The following SLC1A3 variants were observed in gnomAD, a reference collection of about 807,000 sequenced individuals.
The protein encoded by SLC1A3 is excitatory amino acid transporter 1.
In SLC1A3, 21 loss-of-function variants were observed where a neutral mutation model predicts 48.1. The ratio of observed to expected loss-of-function variants is 0.44; its 90% CI spans 0.31 to 0.63. The LOEUF (loss-of-function observed/expected upper bound fraction) is 0.63. Among genes scored for constraint, SLC1A3 ranks in the 20% least tolerant of loss-of-function variants. The pLI is 0.08. For synonymous variants in SLC1A3, 239 were observed against 251.4 expected, an observed-to-expected ratio of 0.95 and a Z score of 0.47; for missense variants, 546 against 689.0, an observed-to-expected ratio of 0.79 and a Z score of 2.32.
intron 3 of SLC1A3, among the ~76,000 whole-genome samples, chr5:36,650,829 T>C (rs1188924548): frequency 2.0e-5 from 3 of 152,242 alleles, no homozygotes; most frequent in Non-Finnish European, 2.9e-5. Flanking sequence ...ATGCAATTGC[T>C]GCTTCCTCAG....
chr5:36,640,411 T>C (rs1252668659), intron 3 of SLC1A3, among the ~76,000 whole-genome samples: 1 of 152,250 alleles, frequency 6.6e-6, no homozygotes, highest in African/African-American at 2.4e-5. Context: ...TCAACTTCTA[T>C]ACTACCAGTG....
chr5:36,663,380 ATTTTTTTTTTTTTT>A (rs1156283585), intron 3 of SLC1A3, among the ~76,000 whole-genome samples: 1 of 69,340 alleles, frequency 1.4e-5, no homozygotes, highest in East Asian at 3.8e-4. Context: ...CACGCCCGGC[ATTTTTTTTTTTTTT>A]TTTTTTTTTT....
At chr5:36,639,542 G>A (rs180854220) in intron 3 of SLC1A3, among the ~76,000 whole-genome samples, 5 of 152,318 alleles carry the variant, frequency 3.3e-5, no homozygotes, top group African/African-American at 1.2e-4. Context: ...CAGCATGTAT[G>A]TATCTTTGTA....
intron 2 of SLC1A3, among the ~76,000 whole-genome samples, chr5:36,619,671 G>T (rs937583335): frequency 2.0e-5 from 3 of 152,202 alleles, no homozygotes; most frequent in Admixed American, 6.5e-5. Context: ...ACTGTAGTTT[G>T]TAAGCAAACA....
intron 3 of SLC1A3, among the ~76,000 whole-genome samples, chr5:36,639,867 C>T (rs758634104): frequency 6.6e-6 from 1 of 152,168 alleles, no homozygotes; most frequent in Non-Finnish European, 1.5e-5. Flanking sequence ...AACATGAAGA[C>T]CCCCACTACA....
chr5:36,601,772 T>C (rs1004074330), upstream of SLC1A3, among the ~76,000 whole-genome samples: 2 of 151,796 alleles, frequency 1.3e-5, no homozygotes, highest in Non-Finnish European at 2.9e-5. Context: ...ATTGTAATGA[T>C]TGAAGAAGGA....
rs540950318 is a variant in SLC1A3, at chr5:36,649,526, C to T, written c.319+19939C>T. ...GTGACATAAAGCGTAGGACTGCAGC[C>T]TTTCTATAGTTTATTATTTGTCTCC... is the stretch of plus-strand genomic sequence containing the variant. On this transcript the variant is annotated intron_variant, in intron 3 of 9. Transcript: ENST00000265113. 2.6e-5 allele frequency among the ~76,000 whole-genome samples: 4 copies of T among 152,262 alleles called. No homozygotes were observed. The East Asian group carries it at 7.7e-4, about 29-fold the overall frequency.
At position 36,671,321 on chromosome 5, in the gene SLC1A3, G is replaced by C. The variant is rs1741988106; in HGVS notation, c.524+88G>C. ...ACTATTCAAACCCTGGAAGGGGTGTGTGACTGAACCAGCCTTGCCAGGCTT... is the reference window on the plus strand; with the variant it reads ...ACTATTCAAACCCTGGAAGGGGTGTCTGACTGAACCAGCCTTGCCAGGCTT... On this transcript the variant is annotated intron_variant, in intron 4 of 9. Coordinates refer to ENST00000265113, the MANE Select transcript of SLC1A3 (RefSeq NM_004172.5). 7.7e-6 allele frequency: 7 copies of C among 903,498 alleles called. No homozygotes were observed. The Admixed American group carries it at 9.8e-5, about 13-fold the overall frequency. The allele number at this position is 903,498 out of a possible 1,614,324, so 56.0% of individuals were successfully genotyped here.
At chr5:36,613,222 A>G (rs1739280379) in intron 2 of SLC1A3, 1 of 199,966 alleles carries the variant, frequency 5.0e-6, no homozygotes, top group South Asian at 9.0e-5. Context: ...AACTGAACGA[A>G]GACAGTTCTG....
At chr5:36,642,280 G>A (rs965091812) in intron 3 of SLC1A3, among the ~76,000 whole-genome samples, 3 of 152,174 alleles carry the variant, frequency 2.0e-5, no homozygotes, top group African/African-American at 2.4e-5. Context: ...GAGGTCAAGT[G>A]TCTGAAAGTG....
rs6866248 is a variant in SLC1A3 at position 36,638,698 on chromosome 5, C to T, written c.319+9111C>T. ...TTTGTTTGTTTTTGAGATGGAGTCT[C>T]GCTCTGTCGCCCAGGCTGGAGTGCA... On this transcript the variant is annotated intron_variant, in intron 3 of 9. Transcript: ENST00000265113. The T allele has an allele frequency of 3.3e-3, 501 of 152,488 alleles. 9 individuals are homozygous for T. Among genetic ancestry groups the T allele is most frequent in the African/African-American group, 0.012 (485 of 41,550 alleles). The allele number at this position is 152,488 out of a possible 1,614,324, so 9.4% of individuals were successfully genotyped here.
intron 3 of SLC1A3, chr5:36,629,950 C>A: frequency 3.0e-6 from 1 of 332,350 alleles, no homozygotes; most frequent in Non-Finnish European, 5.8e-6. Context: ...CAGATAACAT[C>A]TGGTTGGACA....
chr5:36,671,273 C>G (rs978446692), intron 4 of SLC1A3, 40 bp downstream of exon 4: 2 of 1,405,384 alleles, frequency 1.4e-6, no homozygotes, highest in Non-Finnish European at 2.0e-6. Context: ...TGTATTTTCG[C>G]CATCCAGACC....
At chr5:36,602,508 G>T (rs1738819892), upstream of SLC1A3, among the ~76,000 whole-genome samples, 1 of 152,156 alleles carries the variant, frequency 6.6e-6, no homozygotes, top group Admixed American at 6.5e-5. Flanking sequence ...ACAAAGTCTT[G>T]ACTCATGTTG....
chr5:36,612,083 A>ACG (rs34676530), intron 2 of SLC1A3, among the ~76,000 whole-genome samples: 2 of 142,978 alleles, frequency 1.4e-5, no homozygotes, highest in African/African-American at 5.5e-5. Flanking sequence ...ACACACACAC[A>ACG]CGCACACACA....
intron 1 of SLC1A3, among the ~76,000 whole-genome samples, chr5:36,607,869 C>G (rs1286109251): frequency 6.6e-6 from 1 of 152,168 alleles, no homozygotes; most frequent in East Asian, 1.9e-4. Context: ...CAACTCCCAC[C>G]TATCAGTATC....
At chr5:36,637,023 C>G (rs1179509874) in intron 3 of SLC1A3, among the ~76,000 whole-genome samples, 1 of 152,200 alleles carries the variant, frequency 6.6e-6, no homozygotes, top group Non-Finnish European at 1.5e-5. Flanking sequence ...CAGATGGTCT[C>G]AGGGGAGCAC....
intron 3 of SLC1A3, among the ~76,000 whole-genome samples, chr5:36,648,232 A>AT (rs1435478390): frequency 6.6e-6 from 1 of 152,082 alleles, no homozygotes; most frequent in Non-Finnish European, 1.5e-5. Context: ...TTGCATTTCA[A>AT]TTTTTTTACC....
intron 2 of SLC1A3, among the ~76,000 whole-genome samples, chr5:36,615,816 G>C (rs1367212543): frequency 6.6e-6 from 1 of 152,232 alleles, no homozygotes; most frequent in East Asian, 1.9e-4. Flanking sequence ...CTGGCAGCTA[G>C]GTGAGCTGCA....
Sources: allele counts gnomAD v4.1 joint callset (sites outside exome capture counted in the v4.1 genomes callset), GRCh38; gene constraint gnomAD v4.1.1; transcripts MANE v1.5; gene names NCBI Gene and HGNC (gene_info 2026-07-23, HGNC 2026-07-21).